Variants in CSTPP1 observed in about 807,000 individuals in gnomAD.
The protein encoded by CSTPP1 is centriolar satellite-associated tubulin polyglutamylase complex regulator 1, also known as UPF0705 protein C11orf49.
the CSTPP1 span, among the ~76,000 whole-genome samples, chr11:47,118,577 A>G: frequency 6.6e-6 from 1 of 152,124 alleles, no homozygotes; most frequent in Non-Finnish European, 1.5e-5. Flanking sequence ...GTTTCTCCCC[A>G]TCTTTGTGGT....
the CSTPP1 span, among the ~76,000 whole-genome samples, chr11:47,001,508 G>GT: frequency 4.3e-4 from 64 of 148,090 alleles, no homozygotes; most frequent in East Asian, 1.4e-3. Context: ...GTGCATACCC[G>GT]TTTTTTTTTT....
At chr11:46,988,095 C>T in the CSTPP1 span, among the ~76,000 whole-genome samples, 1 of 152,064 alleles carries the variant, frequency 6.6e-6, no homozygotes, top group Non-Finnish European at 1.5e-5. Context: ...GAAAGGGAAC[C>T]CTTCTACACT....
chr11:47,028,232 T>C, the CSTPP1 span, among the ~76,000 whole-genome samples: 1 of 152,198 alleles, frequency 6.6e-6, no homozygotes, highest in Admixed American at 6.5e-5. Context: ...CACATCTCTA[T>C]TTTCTATAGC....
At chr11:47,135,029 A>C in the CSTPP1 span, among the ~76,000 whole-genome samples, 1 of 152,040 alleles carries the variant, frequency 6.6e-6, no homozygotes, top group Non-Finnish European at 1.5e-5. Flanking sequence ...GGATCACTTG[A>C]GCTCAGGAGT....
the CSTPP1 span, among the ~76,000 whole-genome samples, chr11:47,097,453 G>T: frequency 8.9e-5 from 5 of 56,018 alleles, no homozygotes; most frequent in African/African-American, 2.9e-4. Flanking sequence ...GAGGGAGGTG[G>T]GGGGGGGTCG....
At chr11:47,124,226 C>T in the CSTPP1 span, among the ~76,000 whole-genome samples, 1 of 134,848 alleles carries the variant, frequency 7.4e-6, no homozygotes, top group African/African-American at 2.7e-5. Flanking sequence ...CAGGTTCAAG[C>T]AATTCTTCTG....
chr11:46,996,464 C>T, the CSTPP1 span, among the ~76,000 whole-genome samples: 8 of 151,998 alleles, frequency 5.3e-5, 1 homozygote, highest in South Asian at 6.3e-4. Flanking sequence ...CCACCATGCC[C>T]GGCTAATTTT....
At chr11:47,129,066 G>A in the CSTPP1 span, among the ~76,000 whole-genome samples, 1 of 152,136 alleles carries the variant, frequency 6.6e-6, no homozygotes, top group African/African-American at 2.4e-5. Context: ...TAGCTCTTGT[G>A]CCTGTTTAAC....
At chr11:46,948,084 G>C in the CSTPP1 span, 1 of 456,124 alleles carries the variant, frequency 2.2e-6, no homozygotes, top group Non-Finnish European at 4.4e-6. Context: ...ACACGTCTTC[G>C]GCTTTGCTTG....
chr11:47,163,427 CT>C, the CSTPP1 span, among the ~76,000 whole-genome samples: 17 of 152,184 alleles, frequency 1.1e-4, no homozygotes, highest in African/African-American at 4.1e-4. Flanking sequence ...TTACAGCCCC[CT>C]GGCTCCCTCT....
chr11:46,950,374 C>T, the CSTPP1 span, among the ~76,000 whole-genome samples: 3 of 151,344 alleles, frequency 2.0e-5, no homozygotes, highest in Admixed American at 6.6e-5. Flanking sequence ...GGAGTTTCAC[C>T]GTGTTAGCCA....
chr11:47,104,420 A>G, the CSTPP1 span, among the ~76,000 whole-genome samples: 2 of 152,134 alleles, frequency 1.3e-5, no homozygotes, highest in Non-Finnish European at 2.9e-5. Context: ...CTGTGGCCCC[A>G]GCAGCTGGGC....
At chr11:47,062,598 C>G in the CSTPP1 span, among the ~76,000 whole-genome samples, 1 of 152,082 alleles carries the variant, frequency 6.6e-6, no homozygotes, top group Admixed American at 6.5e-5. Context: ...ATTCAGTATT[C>G]CAAAATAAGG....
At chr11:47,038,728 G>T in the CSTPP1 span, among the ~76,000 whole-genome samples, 5 of 124,088 alleles carry the variant, frequency 4.0e-5, 1 homozygote, top group Non-Finnish European at 9.7e-5. Context: ...GGGCAGAGAC[G>T]CTCCTCACTT....
chr11:47,133,469 T>C, the CSTPP1 span, among the ~76,000 whole-genome samples: 4 of 152,184 alleles, frequency 2.6e-5, no homozygotes, highest in African/African-American at 9.7e-5. Flanking sequence ...ACCTGCCAGG[T>C]AGAAGAGTGG....
chr11:46,999,239 A>G, the CSTPP1 span, among the ~76,000 whole-genome samples: 1 of 151,096 alleles, frequency 6.6e-6, no homozygotes, highest in East Asian at 1.9e-4. Flanking sequence ...ATAATATAAT[A>G]ATTATATATT....
the CSTPP1 span, among the ~76,000 whole-genome samples, chr11:46,996,310 AT>A: frequency 0.17 from 25,084 of 147,252 alleles, 7,059 homozygotes; most frequent in African/African-American, 0.59. Flanking sequence ...ATTTTATTTT[AT>A]TTTTTTTTTT....
At chr11:47,085,682 G>T in the CSTPP1 span, among the ~76,000 whole-genome samples, 2 of 152,026 alleles carry the variant, frequency 1.3e-5, no homozygotes, top group African/African-American at 4.8e-5. Context: ...CTGAGGTCAG[G>T]AGTTCGAGAC....
At chr11:47,158,836 G>A in the CSTPP1 span, among the ~76,000 whole-genome samples, 7 of 152,292 alleles carry the variant, frequency 4.6e-5, no homozygotes, top group South Asian at 1.2e-3. Flanking sequence ...CGCCCAGCAA[G>A]GAGTTCTTTT....
Sources: gnomAD v4.1 joint callset for allele counts (sites outside exome capture counted in the v4.1 genomes callset) on GRCh38, gnomAD v4.1.1 for gene constraint, MANE v1.5 for transcripts, NCBI Gene and HGNC (gene_info 2026-07-23, HGNC 2026-07-21) for gene names.